The following SWAP70 variants were observed in gnomAD, a reference collection of about 807,000 sequenced individuals.
The protein encoded by SWAP70 is switch-associated protein 70.
SWAP70 carries 34 observed loss-of-function variants against 80.2 expected under a neutral mutation model. The observed-to-expected ratio is 0.42, with a 90% CI of 0.32 to 0.56. The LOEUF (loss-of-function observed/expected upper bound fraction) is 0.56. SWAP70 is among the 20% of genes least tolerant of loss of function. The probability of loss-of-function intolerance (pLI) is 0.09; values close to 1 mark genes in which losing one functional copy is unlikely to be tolerated. For synonymous variants in SWAP70, 239 were observed against 238.5 expected (o/e 1.00, Z -0.02); for missense variants, 578 against 690.7 (o/e 0.84, Z 1.83).
intron 1 of SWAP70, among the ~76,000 whole-genome samples, chr11:9,673,968 T>C (rs1420882061): frequency 6.6e-6 from 1 of 152,126 alleles, no homozygotes; most frequent in Non-Finnish European, 1.5e-5. Context: ...GGCATGATCT[T>C]GGCTCACTGC....
intron 3 of SWAP70, among the ~76,000 whole-genome samples, chr11:9,713,895 C>T (rs920082): frequency 0.33 from 49,632 of 151,994 alleles, 8,353 homozygotes; most frequent in Non-Finnish European, 0.35. Context: ...TCTATCCTCA[C>T]GTCCAAAGAG....
At chr11:9,694,099 T>C (rs3763865) in intron 1 of SWAP70, 47 bp from the exon 2 acceptor site, 982,620 of 1,514,714 alleles carry the variant, frequency 0.65, 324,750 homozygotes, top group Admixed American at 0.71. Context: ...GAAGGTGTCA[T>C]GTGCTGGTTA....
chr11:9,749,059 C>T, intron 10 of SWAP70, 28 bp from the exon 11 acceptor site: 1 of 1,512,616 alleles, frequency 6.6e-7, no homozygotes, highest in Non-Finnish European at 9.1e-7. Flanking sequence ...CGTGTGTCTG[C>T]ATAGTCCAAA....
intron 2 of SWAP70, among the ~76,000 whole-genome samples, chr11:9,698,154 A>C (rs775680376): frequency 8.8e-5 from 12 of 135,652 alleles, no homozygotes; most frequent in Non-Finnish European, 1.5e-4. Flanking sequence ...AGGCTGGAGT[A>C]CAGTGGCATG....
intron 1 of SWAP70, among the ~76,000 whole-genome samples, chr11:9,692,517 C>G (rs755989915): frequency 1.3e-5 from 2 of 151,756 alleles, no homozygotes; most frequent in Non-Finnish European, 2.9e-5. Context: ...AGCAAGCTTT[C>G]TCATGGTTTT....
chr11:9,747,018 A>G (rs1176036741), intron 9 of SWAP70, among the ~76,000 whole-genome samples: 1 of 152,188 alleles, frequency 6.6e-6, no homozygotes, highest in African/African-American at 2.4e-5. Flanking sequence ...ATTGTTGCTC[A>G]AGCCACTAGA....
At chr11:9,705,816 A>G (rs1850902317) in intron 2 of SWAP70, among the ~76,000 whole-genome samples, 1 of 89,482 alleles carries the variant, frequency 1.1e-5, no homozygotes, top group Non-Finnish European at 2.2e-5. Flanking sequence ...ATCTGTATAC[A>G]CTGGTGATCT....
intron 1 of SWAP70, among the ~76,000 whole-genome samples, chr11:9,672,607 C>A (rs532378890): frequency 7.1e-6 from 1 of 140,614 alleles, no homozygotes; most frequent in Non-Finnish European, 1.5e-5. Flanking sequence ...CTCCTGGGCT[C>A]AAGCAGTCCA....
chr11:9,747,932 C>G lies in SWAP70; in HGVS notation c.1430C>G (p.Thr477Arg). The part of the protein sequence containing the change: ...WHLEQQQAIQ[T>R]TEAEKQELEN... ...TTGGAGCAGCAGCAGGCCATTCAGA[C>G]AACCGAGGCGGAGAAGCAGGAGTTG... is the stretch of plus-strand genomic sequence containing the variant. The change falls in exon 10 of 12, where the codon ACA becomes AGA. Residue 477 changes from threonine to arginine, a missense_variant. Thr to Arg is a moderately conservative substitution (Grantham distance 71, BLOSUM62 -1). Coordinates refer to ENST00000318950, the MANE Select transcript of SWAP70 (RefSeq NM_015055.4). The G allele has an allele frequency of 6.2e-7, 1 of 1,614,166 alleles. No homozygotes were observed. The highest frequency in any genetic ancestry group is 8.5e-7 in the Non-Finnish European group (1 of 1,180,032).
chr11:9,675,030 G>A (rs1383680949), intron 1 of SWAP70, among the ~76,000 whole-genome samples: 1 of 151,876 alleles, frequency 6.6e-6, no homozygotes, highest in Non-Finnish European at 1.5e-5. Context: ...AGGTGCAGTG[G>A]CTCATGCCTG....
chr11:9,740,244 C>T lies in SWAP70; in HGVS notation c.1252C>T (p.Arg418Ter), dbSNP rs372544545. ...CTCTGAACTGGAACAGTATTTACAG[C>T]GAGTACGGGAGCTGGAAGACATGTA... ...KSSELEQYLQ[R>*]VRELEDMYLK... is the part of the protein sequence containing the mutation. The change falls in exon 9 of 12, where the codon CGA becomes TGA. Residue 418 changes from arginine (R) to a stop codon, truncating the protein, a stop_gained. Transcript: ENST00000318950. LOFTEE classifies it high-confidence loss of function. 6.8e-6 allele frequency: 11 copies of T among 1,614,028 alleles called. No homozygotes were observed. The highest frequency in any genetic ancestry group is 5.9e-6 in the Non-Finnish European group (7 of 1,180,008).
chr11:9,707,708 A>G (rs980676272), intron 2 of SWAP70, among the ~76,000 whole-genome samples: 15 of 151,552 alleles, frequency 9.9e-5, no homozygotes, highest in African/African-American at 2.9e-4. Context: ...GGTGCCTGCC[A>G]CCATGCCTGG....
intron 1 of SWAP70, among the ~76,000 whole-genome samples, chr11:9,688,037 C>T (rs1400933579): frequency 2.0e-5 from 3 of 152,188 alleles, no homozygotes; most frequent in Non-Finnish European, 4.4e-5. Context: ...CTAGTCCCTA[C>T]TTTGTTGCTA....
chr11:9,717,269 T>G (rs1222836179), intron 3 of SWAP70, among the ~76,000 whole-genome samples: 1 of 152,242 alleles, frequency 6.6e-6, no homozygotes, highest in East Asian at 1.9e-4. Context: ...AGGGAATGTC[T>G]GTAGAAAAGA....
At chr11:9,694,425 TGA>T in intron 2 of SWAP70, 139 bp downstream of exon 2, 1 of 1,024,228 alleles carries the variant, frequency 9.8e-7, no homozygotes, top group Non-Finnish European at 1.4e-6. Flanking sequence ...GAAGAAAGAA[TGA>T]GAGACTGACA....
At chr11:9,682,418 G>C (rs1409127939) in intron 1 of SWAP70, among the ~76,000 whole-genome samples, 1 of 152,192 alleles carries the variant, frequency 6.6e-6, no homozygotes, top group African/African-American at 2.4e-5. Context: ...AAAGTGATGA[G>C]ATCTCATTTG....
intron 1 of SWAP70, among the ~76,000 whole-genome samples, chr11:9,683,429 AAAAAG>A (rs376930721): frequency 2.9e-4 from 44 of 152,100 alleles, no homozygotes; most frequent in South Asian, 1.2e-3. Flanking sequence ...AAAAAAGAAG[AAAAAG>A]AAAAGAAAAG....
intron 1 of SWAP70, among the ~76,000 whole-genome samples, chr11:9,686,422 A>G (rs1850634053): frequency 6.6e-6 from 1 of 151,458 alleles, no homozygotes; most frequent in Non-Finnish European, 1.5e-5. Context: ...GTACAGCGGC[A>G]CCATCACGAC....
intron 2 of SWAP70, among the ~76,000 whole-genome samples, chr11:9,711,004 A>G (rs1215010509): frequency 6.7e-6 from 1 of 150,108 alleles, no homozygotes; most frequent in Non-Finnish European, 1.5e-5. Flanking sequence ...ATTTTTATTT[A>G]TTTATTTATT....
Sources: gnomAD v4.1 joint callset for allele counts (sites outside exome capture counted in the v4.1 genomes callset) on GRCh38, gnomAD v4.1.1 for gene constraint, MANE v1.5 for transcripts, NCBI Gene and HGNC (gene_info 2026-07-23, HGNC 2026-07-21) for gene names.